Variants in PDE1A observed in about 807,000 individuals in gnomAD.
PDE1A encodes the protein phosphodiesterase 1A.
In PDE1A, 35 loss-of-function variants were observed where a neutral mutation model predicts 61.7. That is an observed-to-expected ratio of 0.57 (90% CI 0.43 to 0.75). The LOEUF is 0.75. PDE1A is among the 30% of genes least tolerant of loss of function. The pLI is 0.00. For missense variants in PDE1A, 597 were observed against 630.6 expected, an observed-to-expected ratio of 0.95 and a Z score of 0.57; for synonymous variants, 232 against 213.2, an observed-to-expected ratio of 1.09 and a Z score of -0.77.
At chr2:182,231,267 T>A (rs764464860) in intron 4 of PDE1A, 136 bp from the exon 5 acceptor site, 2 of 641,822 alleles carry the variant, frequency 3.1e-6, no homozygotes, top group Non-Finnish European at 5.5e-6. Flanking sequence ...TGACCAGAGT[T>A]TCATAGGACA....
chr2:182,308,428 A>G (rs1695742529), intron 1 of PDE1A, among the ~76,000 whole-genome samples: 1 of 152,144 alleles, frequency 6.6e-6, no homozygotes, highest in Non-Finnish European at 1.5e-5. Context: ...TCTCTTTTAA[A>G]GTCCGAAATG....
intron 7 of PDE1A, among the ~76,000 whole-genome samples, chr2:182,222,034 T>G (rs897477749): frequency 1.3e-5 from 2 of 151,922 alleles, no homozygotes; most frequent in Non-Finnish European, 2.9e-5. Flanking sequence ...GAAAATCAGT[T>G]GTTAAAAATA....
chr2:182,392,951 A>G (rs1164227442), intron 1 of PDE1A, among the ~76,000 whole-genome samples: 1 of 152,202 alleles, frequency 6.6e-6, no homozygotes, highest in African/African-American at 2.4e-5. Context: ...TGGCTTTTCC[A>G]GATACACAGT....
At chr2:182,262,883 TGAGA>T (rs1159916092) in intron 2 of PDE1A, among the ~76,000 whole-genome samples, 1 of 151,960 alleles carries the variant, frequency 6.6e-6, no homozygotes, top group Non-Finnish European at 1.5e-5. Context: ...AAGAAATTTA[TGAGA>T]AACAGAGTAG....
chr2:182,704,213 AAAAAAAAAAAAAC>A, the PDE1A span, among the ~76,000 whole-genome samples: 7 of 149,810 alleles, frequency 4.7e-5, no homozygotes, highest in East Asian at 1.9e-4. Context: ...TCCGTCTGGA[AAAAAAAAAAAAAC>A]AAAAAAAAAA....
chr2:182,212,421 G>A (rs771119980), intron 7 of PDE1A, among the ~76,000 whole-genome samples: 15 of 152,288 alleles, frequency 9.8e-5, no homozygotes, highest in Non-Finnish European at 1.8e-4. Context: ...GAGCCAAGAT[G>A]GCAGAATAGG....
At chr2:182,496,612 G>A (rs1186804806) in intron 2 of PDE1A, among the ~76,000 whole-genome samples, 1 of 152,232 alleles carries the variant, frequency 6.6e-6, no homozygotes, top group Non-Finnish European at 1.5e-5. Flanking sequence ...GGGCCTGAAA[G>A]CATTTGGAAG....
intron 4 of PDE1A, 146 bp from the exon 5 acceptor site, chr2:182,231,277 A>C (rs1574088214): frequency 6.5e-6 from 4 of 618,950 alleles, no homozygotes; most frequent in Non-Finnish European, 1.2e-5. Flanking sequence ...TTCATAGGAC[A>C]GGACCACTTA....
intron 13 of PDE1A, among the ~76,000 whole-genome samples, chr2:182,161,191 G>T (rs1046065138): frequency 3.9e-5 from 6 of 152,246 alleles, no homozygotes; most frequent in African/African-American, 1.2e-4. Flanking sequence ...ATTTCTAAGT[G>T]TGTCCTGAAG....
chr2:182,587,499 T>C, the PDE1A span, among the ~76,000 whole-genome samples: 1 of 152,226 alleles, frequency 6.6e-6, no homozygotes, highest in Non-Finnish European at 1.5e-5. Context: ...TTGCCATTTT[T>C]CACTATTGCA....
chr2:182,345,679 T>C (rs1342770650), intron 1 of PDE1A, among the ~76,000 whole-genome samples: 1 of 152,168 alleles, frequency 6.6e-6, no homozygotes, highest in East Asian at 1.9e-4. Context: ...TTTGTAATGG[T>C]TGTTTCCTCT....
intron 1 of PDE1A, among the ~76,000 whole-genome samples, chr2:182,421,212 A>G (rs1002056263): frequency 3.9e-5 from 6 of 152,164 alleles, no homozygotes; most frequent in African/African-American, 7.2e-5. Context: ...GCATAATCTT[A>G]ATTTTCCTTA....
At chr2:182,532,945 CAAAAAAAAAAA>C in the PDE1A span, among the ~76,000 whole-genome samples, 6 of 21,176 alleles carry the variant, frequency 2.8e-4, no homozygotes, top group South Asian at 0.011. Context: ...GACTCCGTCT[CAAAAAAAAAAA>C]AAAAAAAAAA....
intron 1 of PDE1A, among the ~76,000 whole-genome samples, chr2:182,351,694 T>C (rs1698890329): frequency 6.6e-6 from 1 of 152,200 alleles, no homozygotes. Context: ...TGATCAATCA[T>C]AGCAATCTGT....
At chr2:182,473,325 A>G (rs1687150747) in intron 2 of PDE1A, among the ~76,000 whole-genome samples, 1 of 151,922 alleles carries the variant, frequency 6.6e-6, no homozygotes, top group Admixed American at 6.6e-5. Context: ...AGAAACTACC[A>G]TCAGAGTGAA....
At chr2:182,168,132 T>C (rs2125312764) in exon 14 of PDE1A, 6 of 1,446,890 alleles carry the variant, frequency 4.1e-6, no homozygotes, top group Non-Finnish European at 4.5e-6. Context: ...TCTGCAAAAA[T>C]AGATTTCCTG....
At chr2:182,506,589 G>T (rs1689427111) in intron 2 of PDE1A, among the ~76,000 whole-genome samples, 1 of 152,204 alleles carries the variant, frequency 6.6e-6, no homozygotes, top group South Asian at 2.1e-4. Flanking sequence ...GCTTATGAAT[G>T]TAAAAATTGA....
At chr2:182,244,011 G>C (rs1448733900) in intron 2 of PDE1A, among the ~76,000 whole-genome samples, 1 of 152,144 alleles carries the variant, frequency 6.6e-6, no homozygotes, top group East Asian at 1.9e-4. Context: ...GGGATTACAG[G>C]CACGTGCCAC....
chr2:182,156,316 G>C (rs987364732), intron 13 of PDE1A, among the ~76,000 whole-genome samples: 5 of 152,006 alleles, frequency 3.3e-5, no homozygotes, highest in African/African-American at 4.8e-5. Context: ...ACTGTGCTTA[G>C]TGCTTCACAT....
Sources: allele counts gnomAD v4.1 joint callset (sites outside exome capture counted in the v4.1 genomes callset), GRCh38; gene constraint gnomAD v4.1.1; transcripts MANE v1.5; gene names NCBI Gene and HGNC (gene_info 2026-07-23, HGNC 2026-07-21).